FAM53B: variants seen among roughly 807,000 people sequenced by gnomAD.
FAM53B encodes family with sequence similarity 53 member B.
A neutral mutation model predicts 32.7 loss-of-function variants in FAM53B; 12 were observed. The observed-to-expected ratio is 0.37, with a 90% CI of 0.24 to 0.59. The LOEUF is 0.59. Among genes scored for constraint, FAM53B ranks in the 20% least tolerant of loss-of-function variants. The probability of loss-of-function intolerance (pLI) is 0.72; values close to 1 mark genes in which losing one functional copy is unlikely to be tolerated. For missense variants in FAM53B, 477 were observed against 577.7 expected, an observed-to-expected ratio of 0.83 and a Z score of 1.79; for synonymous variants, 234 against 228.7, an observed-to-expected ratio of 1.02 and a Z score of -0.21.
At chr10:124,683,778 A>G (rs1949786886) in intron 3 of FAM53B, among the ~76,000 whole-genome samples, 1 of 152,236 alleles carries the variant, frequency 6.6e-6, no homozygotes, top group Non-Finnish European at 1.5e-5. Context: ...TGGGTCAGGC[A>G]AGATGGGCTC....
chr10:124,705,574 C>A (rs938411828), intron 2 of FAM53B: 1 of 152,322 alleles, frequency 6.6e-6, no homozygotes, highest in East Asian at 1.9e-4. Flanking sequence ...ATTCACAGCT[C>A]TCCAGACACC....
At position 124,716,902 on chromosome 10, in the gene FAM53B, C is replaced by T. The variant is rs548200641; in HGVS notation, c.-174-10015G>A. On this transcript the variant is annotated intron_variant, in intron 1 of 4. Coordinates refer to ENST00000337318, the MANE Select transcript of FAM53B (RefSeq NM_014661.4). ...CCAGAGGACAATGAGGGGACCGCAG[C>T]GGGCCCCAAAGATAATCTACTATCA... Among the ~76,000 whole-genome samples, 14 of 152,174 alleles carry T rather than the reference C, an allele frequency of 9.2e-5. No homozygotes were observed. The East Asian group carries it at 1.2e-3, about 13-fold the overall frequency.
At chr10:124,680,868 C>A (rs529976365) in intron 4 of FAM53B, among the ~76,000 whole-genome samples, 4 of 152,192 alleles carry the variant, frequency 2.6e-5, no homozygotes, top group Non-Finnish European at 5.9e-5. Context: ...CTTCCTCATC[C>A]CCAGCCAGAA....
At chr10:124,634,795 A>T (rs940630352) in intron 4 of FAM53B, among the ~76,000 whole-genome samples, 4 of 152,192 alleles carry the variant, frequency 2.6e-5, no homozygotes, top group African/African-American at 9.7e-5. Flanking sequence ...ACGGGGAGTG[A>T]CTGCTAAGGG....
intron 3 of FAM53B, among the ~76,000 whole-genome samples, chr10:124,687,143 G>A (rs1349645655): frequency 6.6e-6 from 1 of 152,186 alleles, no homozygotes; most frequent in Non-Finnish European, 1.5e-5. Context: ...AACAGAAAGC[G>A]ATTTGTTGGG....
intron 3 of FAM53B, among the ~76,000 whole-genome samples, chr10:124,690,401 C>T (rs143265008): frequency 6.6e-6 from 1 of 152,352 alleles, no homozygotes; most frequent in East Asian, 1.9e-4. Context: ...AGTCTGTAGA[C>T]CCAAGGTCAT....
rs533102755 is a variant in FAM53B, at chr10:124,665,529, C to T, written c.906+16078G>A. 2.6e-5 allele frequency among the ~76,000 whole-genome samples: 4 copies of T among 152,370 alleles called. No homozygotes were observed. The East Asian group carries it at 7.7e-4, about 29-fold the overall frequency. On this transcript the variant is annotated intron_variant, in intron 4 of 4. Transcript: ENST00000337318. ...AGAACTCAAAACGTGCCCCTCGCTT[C>T]CTACTCCTGGCTTCCTAGAACAATC...
intron 1 of FAM53B, among the ~76,000 whole-genome samples, chr10:124,729,270 A>T (rs951753282): frequency 3.9e-5 from 6 of 152,234 alleles, no homozygotes; most frequent in Admixed American, 1.3e-4. Context: ...AGGAAGACAC[A>T]GGACACCATT....
At chr10:124,739,043 CAAAA>C (rs374990179) in intron 1 of FAM53B, among the ~76,000 whole-genome samples, 10 of 107,714 alleles carry the variant, frequency 9.3e-5, no homozygotes, top group African/African-American at 3.0e-4. Context: ...CTCCAAAAAA[CAAAA>C]AAAAAAAAAC....
intron 4 of FAM53B, among the ~76,000 whole-genome samples, chr10:124,672,602 G>C (rs116080496): frequency 6.6e-6 from 1 of 152,244 alleles, no homozygotes; most frequent in Non-Finnish European, 1.5e-5. Flanking sequence ...CGTGACAAGC[G>C]CTAGAAACCA....
At chr10:124,706,314 C>A (rs144680324) in intron 2 of FAM53B, among the ~76,000 whole-genome samples, 134 of 152,340 alleles carry the variant, frequency 8.8e-4, no homozygotes, top group African/African-American at 3.1e-3. Flanking sequence ...AACCACCCCC[C>A]CTTAATGGGT....
intron 1 of FAM53B, among the ~76,000 whole-genome samples, chr10:124,719,448 G>A (rs566193471): frequency 1.9e-3 from 286 of 152,248 alleles, no homozygotes; most frequent in Non-Finnish European, 2.9e-3. Context: ...TCGGCTTTTC[G>A]TTACAGATCT....
chr10:124,671,702 C>T lies in FAM53B; in HGVS notation c.906+9905G>A, dbSNP rs541766066. Reference sequence around the variant, plus strand: ...ACATTACTGATGTGAGCTCGCGTTACTGCTCACAAACTAAGCCTCTGGTGG... The same window carrying T: ...ACATTACTGATGTGAGCTCGCGTTATTGCTCACAAACTAAGCCTCTGGTGG... On this transcript the variant is annotated intron_variant, in intron 4 of 4. Coordinates refer to ENST00000337318, the MANE Select transcript of FAM53B (RefSeq NM_014661.4). Among the ~76,000 whole-genome samples the T allele has an allele frequency of 3.3e-5, 5 of 152,314 alleles. No homozygotes were observed. The South Asian group carries it at 1.0e-3, about 32-fold the overall frequency.
At chr10:124,641,607 A>G (rs1282072956) in intron 4 of FAM53B, among the ~76,000 whole-genome samples, 1 of 152,218 alleles carries the variant, frequency 6.6e-6, no homozygotes, top group Non-Finnish European at 1.5e-5. Flanking sequence ...GTCACGGGGA[A>G]CTCAGAGATA....
intron 4 of FAM53B, 46 bp downstream of exon 4, chr10:124,681,561 G>A (rs762388467): frequency 1.3e-6 from 2 of 1,490,038 alleles, no homozygotes; most frequent in South Asian, 2.6e-5. Context: ...AACCAGCAGA[G>A]GCTCCAGTGA....
intron 3 of FAM53B, among the ~76,000 whole-genome samples, chr10:124,684,154 G>A (rs1312837009): frequency 6.6e-6 from 1 of 152,254 alleles, no homozygotes; most frequent in Non-Finnish European, 1.5e-5. Context: ...TCCAGAGGCT[G>A]TATTCATAGA....
intron 4 of FAM53B, among the ~76,000 whole-genome samples, chr10:124,666,704 G>C (rs750960100): frequency 6.6e-6 from 1 of 152,204 alleles, no homozygotes; most frequent in African/African-American, 2.4e-5. Flanking sequence ...GGGCTGCACG[G>C]GTACAGTAGA....
At position 124,623,119 on chromosome 10, in the gene FAM53B, G is replaced by T; in HGVS notation, c.*123C>A. ...CAGGTGGGCTCCCTCTCTGGGACCC[G>T]ACACCACTCAGGAAGCTTTCATCAG... On this transcript the variant is annotated 3_prime_UTR_variant, in exon 5 of 5. Transcript: ENST00000337318. 7.6e-7 allele frequency: 1 copy of T among 1,321,754 alleles called. No homozygotes were observed. Among genetic ancestry groups the T allele is most frequent in the Non-Finnish European group, 1.0e-6 (1 of 974,352 alleles). The allele number at this position is 1,321,754 out of a possible 1,614,324, so 81.9% of individuals were successfully genotyped here.
chr10:124,731,981 T>TCCTG (rs1254353382), intron 1 of FAM53B, among the ~76,000 whole-genome samples: 1 of 152,102 alleles, frequency 6.6e-6, no homozygotes, highest in Non-Finnish European at 1.5e-5. Flanking sequence ...CCCTATCTCC[T>TCCTG]CCTGCCTATC....
Sources: gnomAD v4.1 joint callset for allele counts (sites outside exome capture counted in the v4.1 genomes callset) on GRCh38, gnomAD v4.1.1 for gene constraint, MANE v1.5 for transcripts, NCBI Gene and HGNC (gene_info 2026-07-23, HGNC 2026-07-21) for gene names.